GRM1: variants seen among roughly 807,000 people sequenced by gnomAD.
GRM1 encodes metabotropic glutamate receptor 1.
In GRM1, 33 loss-of-function variants were observed where a neutral mutation model predicts 90.9. That is an observed-to-expected ratio of 0.36 (90% CI 0.28 to 0.49). The LOEUF (loss-of-function observed/expected upper bound fraction) is 0.49. Ranked by LOEUF, GRM1 falls within the 20% of genes least tolerant of loss-of-function variation. GRM1 has a pLI of 0.99. For missense variants in GRM1, 1,190 were observed against 1,534.3 expected (o/e 0.78, Z 3.75); for synonymous variants, 700 against 613.2 (o/e 1.14, Z -2.09).
intron 2 of GRM1, among the ~76,000 whole-genome samples, chr6:146,252,891 C>T (rs1781348603): frequency 6.6e-6 from 1 of 151,866 alleles, no homozygotes; most frequent in African/African-American, 2.4e-5. Context: ...GAAACTCTGT[C>T]TCTACTAAAA....
intron 1 of GRM1, among the ~76,000 whole-genome samples, chr6:146,062,037 C>A (rs1487622767): frequency 6.6e-6 from 1 of 152,112 alleles, no homozygotes; most frequent in African/African-American, 2.4e-5. Flanking sequence ...TATAAAGACA[C>A]ACACGCACGT....
chr6:146,248,590 A>T (rs971816344), intron 2 of GRM1, among the ~76,000 whole-genome samples: 2 of 152,220 alleles, frequency 1.3e-5, no homozygotes, highest in Admixed American at 1.3e-4. Flanking sequence ...CTGTGAGTCA[A>T]TTAAACCTCT....
intron 1 of GRM1, among the ~76,000 whole-genome samples, chr6:146,085,873 C>T (rs1776525687): frequency 2.0e-5 from 3 of 151,922 alleles, no homozygotes; most frequent in South Asian, 4.1e-4. Context: ...TGGATAACTT[C>T]CTTTTAAAGT....
chr6:146,232,382 T>G (rs1426085594), intron 2 of GRM1, among the ~76,000 whole-genome samples: 2 of 152,062 alleles, frequency 1.3e-5, no homozygotes, highest in Admixed American at 6.6e-5. Context: ...TTTAATTTTT[T>G]TAAATTTTTA....
intron 2 of GRM1, among the ~76,000 whole-genome samples, chr6:146,213,890 G>A (rs1779778702): frequency 6.6e-6 from 1 of 152,112 alleles, no homozygotes; most frequent in Admixed American, 6.6e-5. Flanking sequence ...AGCTGATGGT[G>A]TAACTCTTAG....
intron 1 of GRM1, among the ~76,000 whole-genome samples, chr6:146,140,617 T>C (rs545724868): frequency 1.1e-4 from 16 of 152,292 alleles, no homozygotes; most frequent in African/African-American, 3.9e-4. Flanking sequence ...CCAAATAATA[T>C]CTTATAACCC....
intron 1 of GRM1, among the ~76,000 whole-genome samples, chr6:146,046,671 A>G (rs1791342025): frequency 6.6e-6 from 1 of 152,078 alleles, no homozygotes; most frequent in African/African-American, 2.4e-5. Flanking sequence ...TTAAAAATGA[A>G]TCCAGGTGTG....
chr6:146,167,371 G>A (rs1171981169), intron 2 of GRM1, among the ~76,000 whole-genome samples: 1 of 152,068 alleles, frequency 6.6e-6, no homozygotes, highest in African/African-American at 2.4e-5. Context: ...TCTTTGTGTG[G>A]ACATGTATTT....
intron 2 of GRM1, among the ~76,000 whole-genome samples, chr6:146,214,148 T>A (rs1391524254): frequency 6.6e-6 from 1 of 152,142 alleles, no homozygotes. Flanking sequence ...CTCAGACTCA[T>A]AAGCTGAGCT....
chr6:146,146,079 T>G (rs1044787194), intron 1 of GRM1, among the ~76,000 whole-genome samples: 7 of 145,824 alleles, frequency 4.8e-5, no homozygotes, highest in Non-Finnish European at 9.1e-5. Flanking sequence ...ATATTTGCCC[T>G]GTGCCTATGT....
In GRM1 at chr6:146,204,824, C is replaced by T. The variant is rs114603998; in HGVS notation, c.950+45227C>T. 5.1e-3 allele frequency among the ~76,000 whole-genome samples: 770 copies of T among 152,188 alleles called. 5 individuals carry two copies. The highest frequency in any genetic ancestry group is 0.017 in the African/African-American group (725 of 41,508). Reference sequence around the variant, plus strand: ...TTGTGCACGCAGAGTTCTGAAACAGCGCTAAGGGAACAGACCCAATGTGTA... The same window carrying T: ...TTGTGCACGCAGAGTTCTGAAACAGTGCTAAGGGAACAGACCCAATGTGTA... On this transcript the variant is annotated intron_variant, in intron 2 of 7. Transcript: ENST00000282753.
intron 2 of GRM1, among the ~76,000 whole-genome samples, chr6:146,212,922 C>T (rs568965777): frequency 5.3e-5 from 8 of 151,968 alleles, no homozygotes; most frequent in Non-Finnish European, 7.4e-5. Context: ...CATAAGGTAA[C>T]GTTTATCGAG....
intron 1 of GRM1, among the ~76,000 whole-genome samples, chr6:146,102,585 G>A (rs1400259097): frequency 6.6e-6 from 1 of 152,154 alleles, no homozygotes; most frequent in Admixed American, 6.5e-5. Context: ...CTGGTCTTTA[G>A]TGACCCATCT....
intron 7 of GRM1, among the ~76,000 whole-genome samples, chr6:146,416,575 TATA>T (rs1278734553): frequency 2.0e-4 from 31 of 152,210 alleles, no homozygotes; most frequent in African/African-American, 7.5e-4. Context: ...CATCCTATCT[TATA>T]TTATTATTAA....
chr6:146,139,514 T>G (rs1776753767), intron 1 of GRM1, among the ~76,000 whole-genome samples: 1 of 152,210 alleles, frequency 6.6e-6, no homozygotes, highest in Non-Finnish European at 1.5e-5. Context: ...TCCATATATA[T>G]TTACAATTGT....
intron 1 of GRM1, among the ~76,000 whole-genome samples, chr6:146,092,319 T>C (rs1247275366): frequency 6.6e-6 from 1 of 152,032 alleles, no homozygotes; most frequent in East Asian, 1.9e-4. Flanking sequence ...ACACTCCTAC[T>C]GGGGACTAGG....
chr6:146,042,624 A>G (rs998543503), intron 1 of GRM1, among the ~76,000 whole-genome samples: 2 of 151,988 alleles, frequency 1.3e-5, no homozygotes, highest in African/African-American at 2.4e-5. Flanking sequence ...GAATTATTCA[A>G]TGAGGGAAAT....
At chr6:146,287,992 G>C (rs1782826533) in intron 2 of GRM1, among the ~76,000 whole-genome samples, 1 of 152,226 alleles carries the variant, frequency 6.6e-6, no homozygotes, top group Admixed American at 6.5e-5. Flanking sequence ...TATAGCAGTA[G>C]TAGGAAACTA....
chr6:146,110,180 G>A (rs565125474), intron 1 of GRM1, among the ~76,000 whole-genome samples: 3 of 152,244 alleles, frequency 2.0e-5, no homozygotes, highest in Admixed American at 6.5e-5. Flanking sequence ...GAGGCAGAAC[G>A]ATATGGTTTT....
Sources: allele counts gnomAD v4.1 joint callset (sites outside exome capture counted in the v4.1 genomes callset), GRCh38; gene constraint gnomAD v4.1.1; transcripts MANE v1.5; gene names NCBI Gene and HGNC (gene_info 2026-07-23, HGNC 2026-07-21).